RBFOX1: variants seen among roughly 807,000 people sequenced by gnomAD.
RBFOX1 encodes the protein RNA binding fox-1 homolog 1.
A neutral mutation model predicts 57.7 loss-of-function variants in RBFOX1; 8 were observed. The observed-to-expected ratio is 0.14, with a 90% CI of 0.08 to 0.25. The LOEUF (loss-of-function observed/expected upper bound fraction) is 0.25, where lower values mean the gene tolerates loss of function less well. Among genes scored for constraint, RBFOX1 ranks in the 10% least tolerant of loss-of-function variants. The probability of loss-of-function intolerance (pLI) is 1.00; values close to 1 mark genes in which losing one functional copy is unlikely to be tolerated. For missense variants in RBFOX1, 611 were observed against 548.5 expected (o/e 1.11, Z -1.14); for synonymous variants, 326 against 222.4 (o/e 1.47, Z -4.15).
intron 4 of RBFOX1, among the ~76,000 whole-genome samples, chr16:5,983,914 T>TTCCTCCTCCTCCCCCTCCTCCTCC (rs1567220153): frequency 1.0e-5 from 1 of 98,234 alleles, no homozygotes; most frequent in Non-Finnish European, 2.1e-5. Context: ...CCTCCTCCTC[T>TTCCTCCTCCTCCCCCTCCTCCTCC]TCCTCCTCCT....
chr16:5,537,043 C>A (rs1298381385), intron 2 of RBFOX1, among the ~76,000 whole-genome samples: 1 of 152,162 alleles, frequency 6.6e-6, no homozygotes, highest in East Asian at 1.9e-4. Context: ...TTTCCCACTT[C>A]CTTTTGAGTA....
At chr16:7,251,440 T>A (rs1359522926) in intron 4 of RBFOX1, among the ~76,000 whole-genome samples, 1 of 151,556 alleles carries the variant, frequency 6.6e-6, no homozygotes, top group Non-Finnish European at 1.5e-5. Flanking sequence ...GATGGAGTTT[T>A]GTTCTTGTTG....
At chr16:7,096,458 C>A (rs568071504) in intron 4 of RBFOX1, among the ~76,000 whole-genome samples, 1 of 152,278 alleles carries the variant, frequency 6.6e-6, no homozygotes, top group South Asian at 2.1e-4. Context: ...TTAACAGCAG[C>A]CCTGGTGGGT....
At chr16:7,313,800 A>G (rs936675698) in intron 4 of RBFOX1, among the ~76,000 whole-genome samples, 1 of 152,134 alleles carries the variant, frequency 6.6e-6, no homozygotes, top group Non-Finnish European at 1.5e-5. Context: ...ATTTAAAACC[A>G]GACACTTTTG....
intron 2 of RBFOX1, among the ~76,000 whole-genome samples, chr16:6,360,162 T>G (rs1391228333): frequency 6.6e-6 from 1 of 152,150 alleles, no homozygotes; most frequent in Non-Finnish European, 1.5e-5. Context: ...AATATAGATT[T>G]CAGCCTGTAC....
chr16:6,942,654 G>A (rs75101524), intron 3 of RBFOX1, among the ~76,000 whole-genome samples: 1 of 152,150 alleles, frequency 6.6e-6, no homozygotes, highest in African/African-American at 2.4e-5. Flanking sequence ...AGTGGACAGC[G>A]AGAAGGATAA....
chr16:5,296,860 G>A (rs1293167879), intron 1 of RBFOX1, among the ~76,000 whole-genome samples: 1 of 151,916 alleles, frequency 6.6e-6, no homozygotes, highest in African/African-American at 2.4e-5. Flanking sequence ...TGTATTTTTA[G>A]TAGAGATAGG....
intron 3 of RBFOX1, among the ~76,000 whole-genome samples, chr16:6,952,899 C>G (rs1200061649): frequency 6.6e-6 from 1 of 151,984 alleles, no homozygotes; most frequent in African/African-American, 2.4e-5. Context: ...GGCTTGAACC[C>G]AGGTGGTGGA....
At chr16:5,628,190 T>C (rs2048399817) in intron 3 of RBFOX1, among the ~76,000 whole-genome samples, 1 of 152,184 alleles carries the variant, frequency 6.6e-6, no homozygotes, top group South Asian at 2.1e-4. Flanking sequence ...TCAGATAGTC[T>C]ATTGAGAAAT....
At chr16:7,072,176 C>G (rs1171057690) in intron 4 of RBFOX1, among the ~76,000 whole-genome samples, 2 of 152,192 alleles carry the variant, frequency 1.3e-5, no homozygotes, top group South Asian at 2.1e-4. Context: ...ATTAATAGCA[C>G]TTTCTTCTTT....
At chr16:7,224,527 G>C (rs981840554) in intron 4 of RBFOX1, among the ~76,000 whole-genome samples, 2 of 152,106 alleles carry the variant, frequency 1.3e-5, no homozygotes, top group Non-Finnish European at 2.9e-5. Context: ...CAGTGCCTCT[G>C]ATTTAACTAG....
intron 2 of RBFOX1, among the ~76,000 whole-genome samples, chr16:6,640,299 T>A (rs553053159): frequency 6.6e-6 from 1 of 152,288 alleles, no homozygotes; most frequent in Non-Finnish European, 1.5e-5. Flanking sequence ...ATATTTTTAA[T>A]TTTTTGTTAA....
At chr16:6,520,921 C>G (rs987237468) in intron 2 of RBFOX1, among the ~76,000 whole-genome samples, 2 of 152,060 alleles carry the variant, frequency 1.3e-5, no homozygotes, top group East Asian at 3.9e-4. Flanking sequence ...CTGTGAATAA[C>G]CAGTGTTGGA....
intron 4 of RBFOX1, among the ~76,000 whole-genome samples, chr16:7,172,313 T>C (rs2080856700): frequency 6.6e-6 from 1 of 152,166 alleles, no homozygotes; most frequent in South Asian, 2.1e-4. Flanking sequence ...CAGCAGTTTA[T>C]CTCTTTTTAC....
chr16:6,144,632 G>T (rs2096743759), intron 1 of RBFOX1, among the ~76,000 whole-genome samples: 1 of 152,210 alleles, frequency 6.6e-6, no homozygotes, highest in South Asian at 2.1e-4. Context: ...CAAGGCTCAC[G>T]CTGCAGCTTC....
intron 2 of RBFOX1, among the ~76,000 whole-genome samples, chr16:6,542,446 T>C (rs371812191): frequency 4.9e-4 from 73 of 149,310 alleles, no homozygotes; most frequent in African/African-American, 1.7e-3. Context: ...TCTCAGTGGA[T>C]AATCGCATGA....
At chr16:7,226,791 C>G (rs1169479105) in intron 4 of RBFOX1, among the ~76,000 whole-genome samples, 2 of 152,122 alleles carry the variant, frequency 1.3e-5, no homozygotes, top group Non-Finnish European at 2.9e-5. Context: ...CTGTATATTC[C>G]TCTTTATAAA....
At chr16:6,109,860 T>C (rs1395558620) in intron 1 of RBFOX1, among the ~76,000 whole-genome samples, 2 of 152,196 alleles carry the variant, frequency 1.3e-5, no homozygotes, top group African/African-American at 2.4e-5. Context: ...GGATATTATA[T>C]AAATTTCTTA....
intron 3 of RBFOX1, among the ~76,000 whole-genome samples, chr16:5,617,905 C>A (rs569756927): frequency 1.3e-5 from 2 of 152,268 alleles, no homozygotes; most frequent in East Asian, 1.9e-4. Context: ...AACACTCTTA[C>A]CTGGTATCTA....
Sources: allele counts gnomAD v4.1 joint callset (sites outside exome capture counted in the v4.1 genomes callset), GRCh38; gene constraint gnomAD v4.1.1; transcripts MANE v1.5; gene names NCBI Gene and HGNC (gene_info 2026-07-23, HGNC 2026-07-21).